The following DDX31 variants were observed in gnomAD, a reference collection of about 807,000 sequenced individuals.
DDX31 encodes DEAD-box helicase 31, also known as ATP-dependent DNA helicase DDX31.
A neutral mutation model predicts 91.3 loss-of-function variants in DDX31; 70 were observed. The ratio of observed to expected loss-of-function variants is 0.77; its 90% CI spans 0.63 to 0.94. The LOEUF (loss-of-function observed/expected upper bound fraction) is 0.94. Among genes scored for constraint, DDX31 ranks in the 40% least tolerant of loss-of-function variants. The pLI, the probability that DDX31 is intolerant of heterozygous loss-of-function variation, is 0.00. For synonymous variants in DDX31, 362 were observed against 350.6 expected, an observed-to-expected ratio of 1.03 and a Z score of -0.36; for missense variants, 902 against 925.0, an observed-to-expected ratio of 0.98 and a Z score of 0.32.
intron 15 of DDX31, among the ~76,000 whole-genome samples, chr9:132,631,126 T>G (rs973719639): frequency 2.6e-5 from 4 of 152,248 alleles, no homozygotes; most frequent in African/African-American, 9.6e-5. Flanking sequence ...TCTTTGGCAA[T>G]AACTTTGTCA....
At chr9:132,634,167 T>C (rs1208430916) in intron 14 of DDX31, among the ~76,000 whole-genome samples, 1 of 152,206 alleles carries the variant, frequency 6.6e-6, no homozygotes, top group African/African-American at 2.4e-5. Context: ...AGGGGGATTT[T>C]TACTTTTCTC....
intron 1 of DDX31, among the ~76,000 whole-genome samples, chr9:132,666,550 G>A (rs1255552930): frequency 1.3e-5 from 2 of 151,942 alleles, no homozygotes; most frequent in Admixed American, 1.3e-4. Flanking sequence ...TTTTGAGACA[G>A]TCTCACACTG....
intron 14 of DDX31, among the ~76,000 whole-genome samples, chr9:132,638,692 T>C (rs1833282987): frequency 6.6e-6 from 1 of 152,204 alleles, no homozygotes; most frequent in African/African-American, 2.4e-5. Flanking sequence ...ACTTGCGAGC[T>C]GCATGAAACT....
Position 132,654,600 on chromosome 9 carries a change from G to A in DDX31, c.589-2108C>T, listed in dbSNP as rs1834431474. On this transcript the variant is annotated intron_variant, in intron 6 of 19. Transcript: ENST00000372159. ...CGCACTCCAGCCTGGGCGACAGAGC[G>A]AGACTTCATCTCAAACAAAACAAAA... Among the ~76,000 whole-genome samples, 3 of 152,014 alleles carry A rather than the reference G, an allele frequency of 2.0e-5. No homozygotes were observed. In the South Asian group the frequency reaches 6.2e-4, roughly 31 times the overall value.
At position 132,669,909 on chromosome 9, in the gene DDX31, A is replaced by C; in HGVS notation, c.26T>G (p.Phe9Cys). The C allele has an allele frequency of 6.3e-7, 1 of 1,597,332 alleles. No individual in the cohort carries two copies. Among genetic ancestry groups the C allele is most frequent in the Non-Finnish European group, 8.5e-7 (1 of 1,172,986 alleles). The change falls in exon 1 of 20, where the codon TTC becomes TGC. Residue 9 changes from phenylalanine to cysteine, a missense_variant. Physicochemically the swap from Phe to Cys is radical, Grantham distance 205. Coordinates refer to ENST00000372159, the MANE Select transcript of DDX31 (RefSeq NM_022779.9). ...TCTGGAGAACGTCCTGGGGTTGTCG[A>C]AGAGCGAACCGTCGGCGGCTGCCAT... MAAADGSL[F>C]DNPRTFSRRP... is the part of the protein sequence containing the mutation.
intron 14 of DDX31, among the ~76,000 whole-genome samples, chr9:132,633,696 C>T (rs954267605): frequency 6.6e-6 from 1 of 151,444 alleles, no homozygotes; most frequent in African/African-American, 2.4e-5. Context: ...ACAGTTATCG[C>T]CAGGGGAGGA....
intron 14 of DDX31, chr9:132,638,322 A>G (rs1406960981): frequency 6.8e-6 from 11 of 1,614,078 alleles, no homozygotes; most frequent in Non-Finnish European, 9.3e-6. Flanking sequence ...TGATGGTATT[A>G]AAAGCAAGGT....
chr9:132,630,198 T>C (rs1231003400), intron 16 of DDX31, 66 bp downstream of exon 16: 15 of 1,491,526 alleles, frequency 1.0e-5, no homozygotes, highest in South Asian at 2.9e-5. Flanking sequence ...GCCCATTCAC[T>C]GTAAAAAGCG....
At chr9:132,654,980 T>C (rs1834473259) in intron 6 of DDX31, among the ~76,000 whole-genome samples, 1 of 146,494 alleles carries the variant, frequency 6.8e-6, no homozygotes, top group Non-Finnish European at 1.5e-5. Flanking sequence ...AGAAGAAACA[T>C]AAAGCAGCTG....
chr9:132,647,395 G>A (rs943354024), intron 11 of DDX31, among the ~76,000 whole-genome samples: 2 of 152,242 alleles, frequency 1.3e-5, no homozygotes, highest in Admixed American at 6.5e-5. Flanking sequence ...TCACAAAAGC[G>A]TTTTTGCTAT....
chr9:132,652,629 C>A (rs11243865), intron 6 of DDX31, 137 bp from the exon 7 acceptor site: 268,197 of 1,079,216 alleles, frequency 0.25, 35,600 homozygotes, highest in East Asian at 0.38. Context: ...AGGTTGCCCA[C>A]TGATGTGGTC....
intron 19 of DDX31, among the ~76,000 whole-genome samples, chr9:132,599,334 C>G (rs796108691): frequency 3.3e-5 from 5 of 152,298 alleles, no homozygotes; most frequent in African/African-American, 1.2e-4. Context: ...AGAGTTTAAC[C>G]ATAGCAGTCT....
At position 132,652,476 on chromosome 9, in the gene DDX31, T is replaced by C. The variant is rs749927430; in HGVS notation, c.605A>G (p.Tyr202Cys). The C allele has an allele frequency of 9.9e-6, 16 of 1,613,936 alleles. No homozygotes were observed. The highest frequency in any genetic ancestry group is 2.2e-5 in the East Asian group (1 of 44,890). ...ESKIQRSDGP[Y>C]ALVLVPTREL... ...TCTCGTTGGCACGAGCACCAGGGCA[T>C]AGGGGCCATCACTGCGCTGTTGACA... is the stretch of plus-strand genomic sequence containing the variant. Residue 202 changes from tyrosine to cysteine, a missense_variant, in exon 7 of 20, where the codon TAT becomes TGT. Physicochemically the swap from Tyr to Cys is radical, Grantham distance 194 (BLOSUM62 -2). Coordinates refer to ENST00000372159, the MANE Select transcript of DDX31 (RefSeq NM_022779.9).
chr9:132,661,471 CA>C (rs1281315661), intron 3 of DDX31, among the ~76,000 whole-genome samples: 1 of 152,070 alleles, frequency 6.6e-6, no homozygotes, highest in Non-Finnish European at 1.5e-5. Context: ...TTGTTATAAC[CA>C]GGGGAGGGGG....
chr9:132,647,151 G>A (rs1051790611), intron 11 of DDX31, 93 bp from the exon 12 acceptor site: 174 of 1,149,538 alleles, frequency 1.5e-4, no homozygotes, highest in Middle Eastern at 3.9e-4. Flanking sequence ...ACCCATGTAT[G>A]TTAGGACTAC....
At chr9:132,635,455 CTT>C (rs981082655) in intron 14 of DDX31, among the ~76,000 whole-genome samples, 8 of 104,676 alleles carry the variant, frequency 7.6e-5, no homozygotes, top group Admixed American at 1.0e-4. Flanking sequence ...ATGTACATAG[CTT>C]TTTTTTTTTT....
At chr9:132,651,598 G>T (rs1217041900) in intron 7 of DDX31, among the ~76,000 whole-genome samples, 1 of 152,136 alleles carries the variant, frequency 6.6e-6, no homozygotes, top group Non-Finnish European at 1.5e-5. Context: ...CTGAAGCCTG[G>T]GAGATGGTCG....
chr9:132,637,375 C>T (rs1183607145), intron 14 of DDX31, among the ~76,000 whole-genome samples: 1 of 152,250 alleles, frequency 6.6e-6, no homozygotes, highest in African/African-American at 2.4e-5. Flanking sequence ...AACGGTGAGG[C>T]CTTGAAGGCC....
intron 19 of DDX31, among the ~76,000 whole-genome samples, chr9:132,607,900 G>C (rs559503705): frequency 1.3e-5 from 2 of 152,288 alleles, no homozygotes; most frequent in South Asian, 2.1e-4. Flanking sequence ...AGCGAAATGA[G>C]AGAGAATCGT....
Sources: allele counts gnomAD v4.1 joint callset (sites outside exome capture counted in the v4.1 genomes callset), GRCh38; gene constraint gnomAD v4.1.1; transcripts MANE v1.5; gene names NCBI Gene and HGNC (gene_info 2026-07-23, HGNC 2026-07-21).